The following HTR2C variants were observed in gnomAD, a reference collection of about 807,000 sequenced individuals.
The protein encoded by HTR2C is 5-hydroxytryptamine receptor 2C.
Under a neutral mutation model 21.0 loss-of-function variants are expected in HTR2C, and 5 were observed. The ratio of observed to expected loss-of-function variants is 0.24; its 90% CI spans 0.12 to 0.50. The LOEUF is 0.50. HTR2C is among the 20% of genes least tolerant of loss of function. The pLI is 0.98. For missense variants in HTR2C, 271 were observed against 371.2 expected, an observed-to-expected ratio of 0.73 and a Z score of 2.22; for synonymous variants, 150 against 145.3, an observed-to-expected ratio of 1.03 and a Z score of -0.23.
intron 4 of HTR2C, chrX:114,774,738 T>C (rs1381657476): frequency 9.4e-6 from 3 of 319,342 alleles, no homozygotes; most frequent in Admixed American, 1.1e-4. Flanking sequence ...GCAGCTGAAC[T>C]TTTAAACACT....
At chrX:114,592,094 C>T (rs1324288656) in intron 1 of HTR2C, among the ~76,000 whole-genome samples, 5 of 111,502 alleles carry the variant, frequency 4.5e-5, no homozygotes, top group African/African-American at 1.6e-4. Flanking sequence ...ATACAGAAAC[C>T]ACTGAGGTTA....
chrX:114,790,148 C>A, intron 4 of HTR2C, among the ~76,000 whole-genome samples: 1 of 111,688 alleles, frequency 9.0e-6, no homozygotes, highest in East Asian at 2.8e-4. Flanking sequence ...GTTATTCAGT[C>A]ATATTAGAAC....
At chrX:114,625,442 G>T (rs1171474367) in intron 2 of HTR2C, among the ~76,000 whole-genome samples, 1 of 110,717 alleles carries the variant, frequency 9.0e-6, no homozygotes, top group African/African-American at 3.3e-5. Context: ...ATGAGAGCTG[G>T]TTATTAAAAA....
chrX:114,698,395 A>G (rs1932343678), intron 2 of HTR2C, among the ~76,000 whole-genome samples: 1 of 109,651 alleles, frequency 9.1e-6, no homozygotes, highest in East Asian at 2.9e-4. Context: ...TGCTATCCAT[A>G]GCATTGAAAT....
In HTR2C at chrX:114,594,174, G is replaced by A. The variant is rs189732828; in HGVS notation, c.-147+9515G>A. On this transcript the variant is annotated intron_variant, in intron 1 of 5. Transcript: ENST00000276198. The stretch of plus-strand genomic sequence containing the variant: ...CACAAAAGAAGTTACTTAACTATTT[G>A]ATAGGACAGATAACACTCTCCTGCA... 2.8e-4 allele frequency among the ~76,000 whole-genome samples: 31 copies of A among 111,800 alleles called. No individual in the cohort carries two copies. In the East Asian group the frequency reaches 7.8e-3, roughly 28 times the overall value.
chrX:114,597,508 G>A (rs782192851), intron 1 of HTR2C, among the ~76,000 whole-genome samples: 59 of 112,031 alleles, frequency 5.3e-4, no homozygotes, highest in African/African-American at 1.7e-3. Flanking sequence ...AATTTTATTG[G>A]CATAGAGAGG....
intron 4 of HTR2C, among the ~76,000 whole-genome samples, chrX:114,833,569 T>G (rs1196427857): frequency 9.0e-6 from 1 of 110,670 alleles, no homozygotes; most frequent in African/African-American, 3.3e-5. Flanking sequence ...TTTTTTATTG[T>G]GTCTATTTGA....
chrX:114,784,541 A>G lies in HTR2C; in HGVS notation c.349+52934A>G, dbSNP rs191732628. Among the ~76,000 whole-genome samples, 105 of 109,511 alleles carry G rather than the reference A, an allele frequency of 9.6e-4. 1 individual carries two copies. The highest frequency in any genetic ancestry group is 3.4e-3 in the African/African-American group (103 of 30,164). On this transcript the variant is annotated intron_variant, in intron 4 of 5. Coordinates refer to ENST00000276198, the MANE Select transcript of HTR2C (RefSeq NM_000868.4). ...TTGTGGTAGTTGCCGGCAATCCTTG[A>G]CGGTCCTTGGCTTGCAGATGCATTA...
At chrX:114,747,410 A>G (rs1030274239) in intron 4 of HTR2C, among the ~76,000 whole-genome samples, 2 of 112,114 alleles carry the variant, frequency 1.8e-5, no homozygotes, top group Non-Finnish European at 3.8e-5. Flanking sequence ...AAAATTAATG[A>G]AATGCACACT....
At chrX:114,814,854 C>A (rs1297965857) in intron 4 of HTR2C, among the ~76,000 whole-genome samples, 1 of 96,517 alleles carries the variant, frequency 1.0e-5, no homozygotes, top group African/African-American at 3.8e-5. Context: ...TATTATAATA[C>A]TCTATAGTAT....
At chrX:114,779,968 A>T (rs1556440143) in intron 4 of HTR2C, among the ~76,000 whole-genome samples, 1 of 110,976 alleles carries the variant, frequency 9.0e-6, no homozygotes, top group Admixed American at 9.7e-5. Flanking sequence ...TGCATCTGGA[A>T]GTTCAACCAA....
chrX:114,809,396 T>TA (rs1368897131), intron 4 of HTR2C, among the ~76,000 whole-genome samples: 1 of 106,550 alleles, frequency 9.4e-6, no homozygotes, highest in Non-Finnish European at 1.9e-5. Context: ...TTTGTTGTTT[T>TA]TTTTTTGACA....
intron 2 of HTR2C, among the ~76,000 whole-genome samples, chrX:114,726,375 C>G (rs782726022): frequency 8.9e-6 from 1 of 112,202 alleles, no homozygotes; most frequent in South Asian, 3.7e-4. Flanking sequence ...TGCTTCGGCT[C>G]GCGCACGGTG....
chrX:114,610,844 T>G (rs1215226858), intron 1 of HTR2C, among the ~76,000 whole-genome samples: 1 of 111,579 alleles, frequency 9.0e-6, no homozygotes, highest in Non-Finnish European at 1.9e-5. Context: ...GTATGATAGA[T>G]GCAAAATGTT....
At chrX:114,889,051 T>C in intron 5 of HTR2C, among the ~76,000 whole-genome samples, 2 of 112,311 alleles carry the variant, frequency 1.8e-5, no homozygotes, top group African/African-American at 6.5e-5. Context: ...ATATTTTTAT[T>C]GCAACTTGGA....
chrX:114,871,823 A>C (rs1409864671), intron 5 of HTR2C, among the ~76,000 whole-genome samples: 1 of 78,344 alleles, frequency 1.3e-5, no homozygotes, highest in African/African-American at 5.2e-5. Flanking sequence ...TTTTTTTTTT[A>C]TGACAAACTG....
intron 2 of HTR2C, among the ~76,000 whole-genome samples, chrX:114,688,394 A>T (rs1556414577): frequency 9.0e-6 from 1 of 110,951 alleles, no homozygotes; most frequent in Non-Finnish European, 1.9e-5. Flanking sequence ...CCAATGCTGT[A>T]GCAATTGTCC....
chrX:114,653,874 G>T (rs1472751397), intron 2 of HTR2C, among the ~76,000 whole-genome samples: 4 of 110,771 alleles, frequency 3.6e-5, no homozygotes, highest in African/African-American at 1.3e-4. Context: ...ACTTCTGAAT[G>T]TACATAGTGC....
At chrX:114,785,512 C>G (rs1364355182) in intron 4 of HTR2C, among the ~76,000 whole-genome samples, 1 of 111,571 alleles carries the variant, frequency 9.0e-6, no homozygotes, top group Non-Finnish European at 1.9e-5. Flanking sequence ...ACAGCTTTAA[C>G]AGATTAGATT....
Sources: gnomAD v4.1 joint callset for allele counts (sites outside exome capture counted in the v4.1 genomes callset) on GRCh38, gnomAD v4.1.1 for gene constraint, MANE v1.5 for transcripts, NCBI Gene and HGNC (gene_info 2026-07-23, HGNC 2026-07-21) for gene names.